Variants in KIF26B observed in about 807,000 individuals in gnomAD.
KIF26B encodes kinesin family member 26B.
KIF26B carries 63 observed loss-of-function variants against 151.2 expected under a neutral mutation model. The ratio of observed to expected loss-of-function variants is 0.42; its 90% CI spans 0.34 to 0.51. The LOEUF is 0.51. Among genes scored for constraint, KIF26B ranks in the 20% least tolerant of loss-of-function variants. The probability of loss-of-function intolerance (pLI) is 0.07; values close to 1 mark genes in which losing one functional copy is unlikely to be tolerated. For synonymous variants in KIF26B, 1,357 were observed against 1,262.1 expected, an observed-to-expected ratio of 1.08 and a Z score of -1.59; for missense variants, 2,813 against 2,913.6, an observed-to-expected ratio of 0.97 and a Z score of 0.79.
intron 9 of KIF26B, among the ~76,000 whole-genome samples, chr1:245,628,998 CATCGCT>C (rs1402678462): frequency 4.6e-5 from 7 of 152,100 alleles, no homozygotes; most frequent in Admixed American, 4.6e-4. Context: ...TCCCATTCAC[CATCGCT>C]ACAAAGAGAA....
intron 2 of KIF26B, among the ~76,000 whole-genome samples, chr1:245,208,811 G>T (rs1159525207): frequency 6.6e-6 from 1 of 152,188 alleles, no homozygotes; most frequent in Non-Finnish European, 1.5e-5. Flanking sequence ...GCATGTGTGA[G>T]TCGCCACTAT....
intron 5 of KIF26B, among the ~76,000 whole-genome samples, chr1:245,545,338 G>C (rs1661721346): frequency 6.6e-6 from 1 of 152,146 alleles, no homozygotes; most frequent in Non-Finnish European, 1.5e-5. Flanking sequence ...CTGACCTCCA[G>C]TGATCTGCCC....
At chr1:245,383,297 T>C (rs981874615) in intron 3 of KIF26B, among the ~76,000 whole-genome samples, 1 of 152,132 alleles carries the variant, frequency 6.6e-6, no homozygotes, top group African/African-American at 2.4e-5. Flanking sequence ...GCGGTGGAAT[T>C]GGTGAATTTA....
intron 2 of KIF26B, among the ~76,000 whole-genome samples, chr1:245,181,129 A>G (rs1367302297): frequency 2.0e-5 from 3 of 152,108 alleles, no homozygotes; most frequent in Non-Finnish European, 4.4e-5. Flanking sequence ...TATCTCTTTC[A>G]CATACAAATT....
At chr1:245,483,864 G>T (rs187125372) in intron 4 of KIF26B, among the ~76,000 whole-genome samples, 1 of 151,830 alleles carries the variant, frequency 6.6e-6, no homozygotes, top group Non-Finnish European at 1.5e-5. Flanking sequence ...TGTAGCGAAG[G>T]CTTCTCCTCG....
intron 2 of KIF26B, among the ~76,000 whole-genome samples, chr1:245,303,229 C>G (rs567149675): frequency 2.2e-5 from 3 of 133,430 alleles, no homozygotes; most frequent in South Asian, 4.9e-4. Context: ...GACGGAGTCT[C>G]GCTTTGTCGC....
At chr1:245,545,444 G>A (rs537784928) in intron 5 of KIF26B, among the ~76,000 whole-genome samples, 11 of 152,292 alleles carry the variant, frequency 7.2e-5, no homozygotes, top group Non-Finnish European at 1.2e-4. Flanking sequence ...GTTAGGTACT[G>A]TGCTGAGCGG....
At chr1:245,674,578 C>T (rs147140082) in intron 10 of KIF26B, among the ~76,000 whole-genome samples, 1 of 152,130 alleles carries the variant, frequency 6.6e-6, no homozygotes, top group Non-Finnish European at 1.5e-5. Context: ...CTATTATTTT[C>T]TATTTGTCTA....
At chr1:245,411,111 A>C (rs1357440034) in intron 3 of KIF26B, among the ~76,000 whole-genome samples, 1 of 152,232 alleles carries the variant, frequency 6.6e-6, no homozygotes, top group Non-Finnish European at 1.5e-5. Context: ...GTCTACTGAG[A>C]CGTCTAAACC....
At chr1:245,347,291 G>A (rs758564739) in intron 2 of KIF26B, among the ~76,000 whole-genome samples, 11 of 151,866 alleles carry the variant, frequency 7.2e-5, no homozygotes, top group Non-Finnish European at 1.0e-4. Flanking sequence ...ATTAACTACT[G>A]TCCCCTTTCT....
At chr1:245,697,345 A>G (rs2044708949) in intron 12 of KIF26B, among the ~76,000 whole-genome samples, 1 of 152,188 alleles carries the variant, frequency 6.6e-6, no homozygotes, top group Non-Finnish European at 1.5e-5. Context: ...AAGAAAGAGG[A>G]TAGATACTGG....
At chr1:245,679,661 G>T (rs1211212722) in intron 10 of KIF26B, among the ~76,000 whole-genome samples, 1 of 151,702 alleles carries the variant, frequency 6.6e-6, no homozygotes, top group African/African-American at 2.4e-5. Flanking sequence ...TAGAGATGGG[G>T]TTTCACCATG....
chr1:245,547,260 T>A (rs1427544942), intron 5 of KIF26B, among the ~76,000 whole-genome samples: 2 of 152,212 alleles, frequency 1.3e-5, no homozygotes, highest in East Asian at 3.8e-4. Context: ...TAGAGGTTAC[T>A]GGGCAGGAAA....
At chr1:245,346,767 C>T (rs193250535) in intron 2 of KIF26B, among the ~76,000 whole-genome samples, 83 of 152,290 alleles carry the variant, frequency 5.5e-4, no homozygotes, top group South Asian at 1.0e-3. Context: ...TTTCAAGCAT[C>T]CCATTCTCTG....
chr1:245,302,709 T>A (rs1381730480), intron 2 of KIF26B, among the ~76,000 whole-genome samples: 1 of 151,976 alleles, frequency 6.6e-6, no homozygotes, highest in Non-Finnish European at 1.5e-5. Context: ...ATGGCAAATG[T>A]GCGGGGTGCG....
At chr1:245,534,014 G>A (rs962082320) in intron 4 of KIF26B, among the ~76,000 whole-genome samples, 5 of 152,122 alleles carry the variant, frequency 3.3e-5, no homozygotes, top group Non-Finnish European at 7.3e-5. Context: ...TGATGCATTA[G>A]GAGAATTGTC....
intron 4 of KIF26B, chr1:245,510,866 G>A: frequency 1.8e-6 from 1 of 566,824 alleles, no homozygotes; most frequent in South Asian, 2.4e-5. Flanking sequence ...AGCTCAGTGA[G>A]GCCAGGATCA....
chr1:245,162,780 A>G (rs1385436267), intron 2 of KIF26B, among the ~76,000 whole-genome samples: 1 of 152,218 alleles, frequency 6.6e-6, no homozygotes, highest in Non-Finnish European at 1.5e-5. Flanking sequence ...TGTATCCATC[A>G]TTGGCTTACC....
intron 14 of KIF26B, among the ~76,000 whole-genome samples, chr1:245,701,431 A>ATATT (rs1169356777): frequency 2.0e-5 from 3 of 152,096 alleles, no homozygotes. Context: ...TGGTTTTTAA[A>ATATT]TATTAAACTG....
Sources: allele counts gnomAD v4.1 joint callset (sites outside exome capture counted in the v4.1 genomes callset), GRCh38; gene constraint gnomAD v4.1.1; transcripts MANE v1.5; gene names NCBI Gene and HGNC (gene_info 2026-07-23, HGNC 2026-07-21).